Variants in PPARGC1B observed in about 807,000 individuals in gnomAD.
PPARGC1B encodes the protein PPARG coactivator 1 beta, also known as peroxisome proliferator-activated receptor gamma coactivator 1-beta.
PPARGC1B carries 34 observed loss-of-function variants against 101.6 expected under a neutral mutation model. The observed-to-expected ratio is 0.33, with a 90% CI of 0.25 to 0.45. The LOEUF is 0.45. Among genes scored for constraint, PPARGC1B ranks in the 20% least tolerant of loss-of-function variants. The pLI, the probability that PPARGC1B is intolerant of heterozygous loss-of-function variation, is 1.00. For synonymous variants in PPARGC1B, 548 were observed against 539.3 expected, an observed-to-expected ratio of 1.02 and a Z score of -0.22; for missense variants, 1,234 against 1,317.6, an observed-to-expected ratio of 0.94 and a Z score of 0.98.
chr5:149,784,262 C>G (rs1756701712), intron 1 of PPARGC1B, among the ~76,000 whole-genome samples: 1 of 152,034 alleles, frequency 6.6e-6, no homozygotes, highest in South Asian at 2.1e-4. Context: ...ACAAATAGGT[C>G]CAATCCCTCC....
At chr5:149,750,769 G>A (rs187420398) in intron 1 of PPARGC1B, among the ~76,000 whole-genome samples, 82 of 152,286 alleles carry the variant, frequency 5.4e-4, no homozygotes, top group African/African-American at 8.7e-4. Flanking sequence ...TCTCTGGCCC[G>A]CACCAGCTGC....
chr5:149,757,950 A>G (rs139308856), intron 1 of PPARGC1B, among the ~76,000 whole-genome samples: 4 of 152,374 alleles, frequency 2.6e-5, no homozygotes, highest in Non-Finnish European at 4.4e-5. Context: ...AGTTCTAGAA[A>G]AAGGCCAGGT....
At chr5:149,757,656 GA>G (rs1195000951) in intron 1 of PPARGC1B, among the ~76,000 whole-genome samples, 1 of 152,208 alleles carries the variant, frequency 6.6e-6, no homozygotes, top group African/African-American at 2.4e-5. Flanking sequence ...TCCACTCTTG[GA>G]TCTGCGATTT....
In PPARGC1B at chr5:149,741,760, T is replaced by TGCC. The variant is rs1439021116; in HGVS notation, c.78+11341_78+11342insCCG. On this transcript the variant is annotated intron_variant, in intron 1 of 11. Transcript: ENST00000309241. ...CTCCTGCCTCAGCCTCCCGAGTAGC[T>TGCC]GGGATTACAGGCGTCTGCCACCATG... Among the ~76,000 whole-genome samples the TGCC allele has an allele frequency of 2.0e-5, 3 of 152,152 alleles. No individual in the cohort carries two copies. The South Asian group carries it at 6.2e-4, about 32-fold the overall frequency.
chr5:149,774,246 C>T (rs1756263912), intron 1 of PPARGC1B, among the ~76,000 whole-genome samples: 1 of 152,128 alleles, frequency 6.6e-6, no homozygotes, highest in Admixed American at 6.5e-5. Context: ...TGAGGGGACA[C>T]CGTCGTAGAG....
chr5:149,754,832 A>G (rs1755446942), intron 1 of PPARGC1B, among the ~76,000 whole-genome samples: 1 of 125,732 alleles, frequency 8.0e-6, no homozygotes, highest in Admixed American at 9.6e-5. Flanking sequence ...CCCAGGCTGG[A>G]GTGCAGTGGT....
At chr5:149,749,923 A>G (rs12110130) in intron 1 of PPARGC1B, among the ~76,000 whole-genome samples, 4,075 of 152,262 alleles carry the variant, frequency 0.027, 175 homozygotes, top group African/African-American at 0.092. Context: ...GGTACTGGAT[A>G]GAGAGGGAGA....
intron 2 of PPARGC1B, among the ~76,000 whole-genome samples, chr5:149,821,780 A>C (rs1465796900): frequency 6.6e-6 from 1 of 152,218 alleles, no homozygotes; most frequent in African/African-American, 2.4e-5. Flanking sequence ...AACAAACAGC[A>C]GTCACTTGTG....
rs1326988329 is a variant in PPARGC1B, at chr5:149,840,097, A to G, written c.2675A>G (p.Lys892Arg). The G allele has an allele frequency of 1.2e-6, 2 of 1,613,376 alleles. No individual in the cohort carries two copies. Among genetic ancestry groups the G allele is most frequent in the African/African-American group, 2.7e-5 (2 of 74,922 alleles). Residue 892 changes from lysine to arginine, a missense_variant, in exon 9 of 12, where the codon AAG becomes AGG. Coordinates refer to ENST00000309241, the MANE Select transcript of PPARGC1B (RefSeq NM_133263.4). Reference sequence around the variant, plus strand: ...ACGCCAAGCATCCGGCACGCCAGGAAGCGGCGGGAAAAGGCCATTGTAAGT... The same window carrying G: ...ACGCCAAGCATCCGGCACGCCAGGAGGCGGCGGGAAAAGGCCATTGTAAGT... The part of the protein sequence containing the change: ...DRTPSIRHAR[K>R]RREKAIGEGR...
At chr5:149,827,025 C>T (rs773464347) in intron 3 of PPARGC1B, 140 bp downstream of exon 3, 53 of 703,610 alleles carry the variant, frequency 7.5e-5, no homozygotes, top group African/African-American at 1.3e-4. Context: ...CAGCAGAGAG[C>T]GTGGGCCGAA....
In PPARGC1B at chr5:149,745,500, G is replaced by A. The variant is rs73796240; in HGVS notation, c.78+15080G>A. Among the ~76,000 whole-genome samples, 1,148 of 152,238 alleles carry A rather than the reference G, an allele frequency of 7.5e-3. 9 individuals are homozygous for A. The highest frequency in any genetic ancestry group is 0.026 in the African/African-American group (1,089 of 41,526). On this transcript the variant is annotated intron_variant, in intron 1 of 11. Coordinates refer to ENST00000309241, the MANE Select transcript of PPARGC1B (RefSeq NM_133263.4). The stretch of plus-strand genomic sequence containing the variant: ...ACCCCTGCTTTGGTACTAAAAATCA[G>A]GTACTATTCATAGAGTGTCTGTCAT...
intron 1 of PPARGC1B, among the ~76,000 whole-genome samples, chr5:149,771,698 C>G (rs1339163385): frequency 6.6e-6 from 1 of 152,218 alleles, no homozygotes; most frequent in Non-Finnish European, 1.5e-5. Flanking sequence ...ACAGAGCAAG[C>G]CGTATTCCTT....
intron 1 of PPARGC1B, among the ~76,000 whole-genome samples, chr5:149,776,309 A>G (rs1756358671): frequency 6.6e-6 from 1 of 152,156 alleles, no homozygotes; most frequent in African/African-American, 2.4e-5. Flanking sequence ...TGGTTTTCCT[A>G]TCTGCACTAC....
At chr5:149,747,833 G>T (rs1755144557) in intron 1 of PPARGC1B, among the ~76,000 whole-genome samples, 1 of 152,226 alleles carries the variant, frequency 6.6e-6, no homozygotes, top group Admixed American at 6.5e-5. Context: ...AGGCACCATA[G>T]CAGGCAAAAC....
At chr5:149,781,595 A>G (rs973453882) in intron 1 of PPARGC1B, among the ~76,000 whole-genome samples, 4 of 152,122 alleles carry the variant, frequency 2.6e-5, no homozygotes, top group Admixed American at 2.0e-4. Context: ...GCTTGCCATC[A>G]TGCTGCCGTT....
chr5:149,822,001 C>T (rs1028509469), intron 2 of PPARGC1B, among the ~76,000 whole-genome samples: 1 of 152,214 alleles, frequency 6.6e-6, no homozygotes, highest in African/African-American at 2.4e-5. Context: ...ACACCCCTCA[C>T]CGCTACACTG....
At chr5:149,778,003 TCC>T (rs59376962) in intron 1 of PPARGC1B, among the ~76,000 whole-genome samples, 1 of 28,364 alleles carries the variant, frequency 3.5e-5, no homozygotes, top group Non-Finnish European at 6.0e-5. Flanking sequence ...GTGCCCCCCT[TCC>T]CCCCCCCACA....
At chr5:149,732,298 C>G (rs1386394678) in intron 1 of PPARGC1B, among the ~76,000 whole-genome samples, 1 of 152,168 alleles carries the variant, frequency 6.6e-6, no homozygotes, top group East Asian at 1.9e-4. Flanking sequence ...CCCCAGATCT[C>G]GAAATTGCCC....
chr5:149,806,633 G>GT (rs70973544), intron 1 of PPARGC1B, among the ~76,000 whole-genome samples: 39,846 of 148,344 alleles, frequency 0.27, 5,754 homozygotes, highest in East Asian at 0.32. Context: ...TTTTGAGACA[G>GT]TTTCGCTGTT....
Sources: gnomAD v4.1 joint callset for allele counts (sites outside exome capture counted in the v4.1 genomes callset) on GRCh38, gnomAD v4.1.1 for gene constraint, MANE v1.5 for transcripts, NCBI Gene and HGNC (gene_info 2026-07-23, HGNC 2026-07-21) for gene names.